PRKCB: variants seen among roughly 807,000 people sequenced by gnomAD.
PRKCB encodes the protein protein kinase C beta, also known as protein kinase C beta type.
A neutral mutation model predicts 81.5 loss-of-function variants in PRKCB; 13 were observed. The observed-to-expected ratio is 0.16, with a 90% CI of 0.10 to 0.25. PRKCB has a LOEUF of 0.25. Among genes scored for constraint, PRKCB ranks in the 10% least tolerant of loss-of-function variants. PRKCB has a pLI of 1.00. For synonymous variants in PRKCB, 335 were observed against 321.4 expected (o/e 1.04, Z -0.45); for missense variants, 509 against 875.7 (o/e 0.58, Z 5.29).
chr16:24,031,200 T>G (rs1430488432), intron 3 of PRKCB, among the ~76,000 whole-genome samples: 1 of 152,200 alleles, frequency 6.6e-6, no homozygotes, highest in East Asian at 1.9e-4. Context: ...ATTTATTGAT[T>G]AGGAAATTAT....
chr16:23,871,237 C>G (rs778273488), intron 2 of PRKCB, among the ~76,000 whole-genome samples: 1 of 152,178 alleles, frequency 6.6e-6, no homozygotes, highest in Non-Finnish European at 1.5e-5. Context: ...GAAGAGTGGT[C>G]AAGTGCAGCC....
chr16:23,879,963 A>C (rs576202483), intron 2 of PRKCB, among the ~76,000 whole-genome samples: 2 of 152,334 alleles, frequency 1.3e-5, no homozygotes, highest in African/African-American at 4.8e-5. Context: ...AATGGGATTA[A>C]TAAAAACACC....
intron 5 of PRKCB, among the ~76,000 whole-genome samples, chr16:24,052,664 G>A (rs567186657): frequency 8.5e-5 from 13 of 152,288 alleles, no homozygotes; most frequent in South Asian, 2.1e-4. Flanking sequence ...CTGTCATGGC[G>A]CTGCTGGGAG....
chr16:24,196,813 G>T (rs1295302826), intron 16 of PRKCB, among the ~76,000 whole-genome samples: 1 of 152,214 alleles, frequency 6.6e-6, no homozygotes, highest in Non-Finnish European at 1.5e-5. Flanking sequence ...ACCTGTTGTA[G>T]CAGTGCAGTA....
intron 9 of PRKCB, among the ~76,000 whole-genome samples, chr16:24,141,350 A>G (rs1332226836): frequency 6.6e-6 from 1 of 152,044 alleles, no homozygotes; most frequent in Non-Finnish European, 1.5e-5. Context: ...ATGCACCACC[A>G]TGCCTGGCTA....
intron 2 of PRKCB, among the ~76,000 whole-genome samples, chr16:23,900,609 C>G (rs557417837): frequency 9.4e-6 from 1 of 105,852 alleles, no homozygotes; most frequent in East Asian, 3.3e-4. Flanking sequence ...GCACCTCACA[C>G]ATATTTTTTT....
intron 2 of PRKCB, among the ~76,000 whole-genome samples, chr16:23,987,627 G>A (rs1054700613): frequency 1.3e-5 from 2 of 152,092 alleles, no homozygotes; most frequent in Non-Finnish European, 2.9e-5. Context: ...TAGACTCATT[G>A]TGTCACTAGG....
chr16:24,057,075 T>C (rs1259944079), intron 5 of PRKCB, among the ~76,000 whole-genome samples: 1 of 152,196 alleles, frequency 6.6e-6, no homozygotes, highest in Non-Finnish European at 1.5e-5. Context: ...TCAATAAATA[T>C]TTGTTGAAAA....
At chr16:24,130,601 T>C (rs969636208) in intron 9 of PRKCB, among the ~76,000 whole-genome samples, 2 of 152,188 alleles carry the variant, frequency 1.3e-5, no homozygotes, top group Admixed American at 6.5e-5. Flanking sequence ...TTTAAAATTT[T>C]CATTAAACTT....
intron 2 of PRKCB, among the ~76,000 whole-genome samples, chr16:23,931,224 T>A (rs971302300): frequency 1.3e-5 from 2 of 152,168 alleles, no homozygotes; most frequent in African/African-American, 2.4e-5. Flanking sequence ...GTTTTCTTTA[T>A]CAGTTCCAAG....
chr16:23,959,562 C>T (rs898375914), intron 2 of PRKCB, among the ~76,000 whole-genome samples: 3 of 152,162 alleles, frequency 2.0e-5, no homozygotes, highest in East Asian at 1.9e-4. Context: ...CTTGCTAAAT[C>T]GAGGACTTCT....
intron 2 of PRKCB, among the ~76,000 whole-genome samples, chr16:23,965,811 G>T (rs1485092999): frequency 1.3e-5 from 2 of 152,182 alleles, no homozygotes; most frequent in Non-Finnish European, 2.9e-5. Context: ...TTCAGCTCCT[G>T]CTTCTCTTCT....
At chr16:23,937,697 C>T (rs1478666156) in intron 2 of PRKCB, among the ~76,000 whole-genome samples, 3 of 152,212 alleles carry the variant, frequency 2.0e-5, no homozygotes, top group Non-Finnish European at 4.4e-5. Flanking sequence ...CTGTCCTATT[C>T]CTAGACTAAG....
chr16:23,883,243 A>G (rs928943671), intron 2 of PRKCB, among the ~76,000 whole-genome samples: 10 of 152,200 alleles, frequency 6.6e-5, no homozygotes, highest in African/African-American at 1.9e-4. Context: ...GTGAGTGGCT[A>G]CTTTAGATCA....
rs377359366 is a variant in PRKCB at position 23,993,056 on chromosome 16, A to G, written c.288+4466A>G. ...CCTGAGGCAGTTGCCATGCCAGGCAATGCTGATTCTTGTCAGCACCGAATC... is the reference window on the plus strand; with the variant it reads ...CCTGAGGCAGTTGCCATGCCAGGCAGTGCTGATTCTTGTCAGCACCGAATC... On this transcript the variant is annotated intron_variant, in intron 3 of 16. Coordinates refer to ENST00000643927, the MANE Select transcript of PRKCB (RefSeq NM_002738.7). Among the ~76,000 whole-genome samples the G allele has an allele frequency of 2.0e-5, 3 of 152,284 alleles. No homozygotes were observed. In the East Asian group the frequency reaches 5.8e-4, roughly 29 times the overall value.
intron 2 of PRKCB, among the ~76,000 whole-genome samples, chr16:23,935,724 C>A (rs1055551517): frequency 2.0e-5 from 3 of 152,158 alleles, no homozygotes; most frequent in African/African-American, 7.2e-5. Flanking sequence ...ATATCCTTTG[C>A]AGCAACATGG....
At chr16:24,101,660 T>G (rs1305580752) in intron 7 of PRKCB, among the ~76,000 whole-genome samples, 2 of 152,234 alleles carry the variant, frequency 1.3e-5, no homozygotes, top group Non-Finnish European at 2.9e-5. Flanking sequence ...TAGAAGCAGA[T>G]GGAGTTAGTT....
chr16:24,094,065 T>G (rs1966409402), intron 6 of PRKCB, 98 bp from the exon 7 acceptor site: 25 of 1,363,156 alleles, frequency 1.8e-5, no homozygotes, highest in Non-Finnish European at 2.5e-5. Context: ...TTGTAATCTT[T>G]AAAACTTTCT....
chr16:23,877,259 C>T (rs1963030935), intron 2 of PRKCB, among the ~76,000 whole-genome samples: 1 of 152,136 alleles, frequency 6.6e-6, no homozygotes, highest in Admixed American at 6.5e-5. Context: ...ATCACTTAAG[C>T]CCAGGAGCTC....
Sources: allele counts gnomAD v4.1 joint callset (sites outside exome capture counted in the v4.1 genomes callset), GRCh38; gene constraint gnomAD v4.1.1; transcripts MANE v1.5; gene names NCBI Gene and HGNC (gene_info 2026-07-23, HGNC 2026-07-21).